SEMA5B: variants seen among roughly 807,000 people sequenced by gnomAD.
SEMA5B encodes semaphorin 5B.
A neutral mutation model predicts 135.0 loss-of-function variants in SEMA5B; 66 were observed. The observed-to-expected ratio is 0.49, with a 90% CI of 0.40 to 0.60. The LOEUF (loss-of-function observed/expected upper bound fraction) is 0.60, where lower values mean the gene tolerates loss of function less well. Among genes scored for constraint, SEMA5B ranks in the 20% least tolerant of loss-of-function variants. The pLI is 0.00. For missense variants in SEMA5B, 1,501 were observed against 1,566.3 expected (o/e 0.96, Z 0.70); for synonymous variants, 690 against 639.5 (o/e 1.08, Z -1.19).
At chr3:122,998,012 G>A (rs996352785) in intron 1 of SEMA5B, among the ~76,000 whole-genome samples, 1 of 152,134 alleles carries the variant, frequency 6.6e-6, no homozygotes, top group Non-Finnish European at 1.5e-5. Flanking sequence ...CCCGACGACC[G>A]CCATGGTGAG....
At chr3:122,929,933 G>A (rs149987441) in intron 5 of SEMA5B, among the ~76,000 whole-genome samples, 28 of 152,332 alleles carry the variant, frequency 1.8e-4, no homozygotes, top group Admixed American at 5.9e-4. Flanking sequence ...GCTGAAGGGA[G>A]GCGTGATGCC....
At chr3:122,955,404 G>A (rs760764976) in intron 2 of SEMA5B, among the ~76,000 whole-genome samples, 8 of 152,144 alleles carry the variant, frequency 5.3e-5, no homozygotes, top group Non-Finnish European at 5.9e-5. Flanking sequence ...TATTATTAGC[G>A]AATAATACAG....
chr3:122,915,847 T>G lies in SEMA5B; in HGVS notation c.1732A>C (p.Lys578Gln), dbSNP rs181104967. 6.2e-7 allele frequency: 1 copy of G among 1,613,908 alleles called. No individual in the cohort carries two copies. Among genetic ancestry groups the G allele is most frequent in the Non-Finnish European group, 8.5e-7 (1 of 1,179,960 alleles). The change falls in exon 13 of 23, where the codon AAG (lysine) becomes CAG (glutamine). Residue 578 changes from lysine (K) to glutamine (Q), a missense_variant. Transcript: ENST00000357599. ...ARDPYCGWDGKQQRCSTLEDS... is the reference protein window; with the variant it reads ...ARDPYCGWDGQQQRCSTLEDS... Reference sequence around the variant, plus strand: ...TCGAGTGTGCTGCAACGTTGCTGCTTCCCGTCCCAGCCACAGTACGGGTCC... The same window carrying G: ...TCGAGTGTGCTGCAACGTTGCTGCTGCCCGTCCCAGCCACAGTACGGGTCC...
rs1372192016 is a variant in SEMA5B, at chr3:122,912,929, C to A, written c.2639G>T (p.Cys880Phe). 3 of 1,612,958 alleles carry A rather than the reference C, an allele frequency of 1.9e-6. No homozygotes were observed. Among genetic ancestry groups the A allele is most frequent in the Admixed American group, 1.7e-5 (1 of 59,928 alleles). ...ELGFRVRKRTCTNPEPRNGGL... is the reference protein window; with the variant it reads ...ELGFRVRKRTFTNPEPRNGGL... The stretch of plus-strand genomic sequence containing the variant: ...CCCGTTGCGGGGCTCCGGGTTAGTG[C>A]ACGTTCTCTTGCGGACGCGGAAGCC... Residue 880 changes from cysteine (C) to phenylalanine (F), a missense_variant, in exon 18 of 23, where the codon TGC becomes TTC. Physicochemically the swap from Cys to Phe is radical, Grantham distance 205. Coordinates refer to ENST00000357599, the MANE Select transcript of SEMA5B (RefSeq NM_001031702.4).
chr3:122,929,152 G>A, intron 5 of SEMA5B, 94 bp from the exon 6 acceptor site: 1 of 1,251,094 alleles, frequency 8.0e-7, no homozygotes, highest in Non-Finnish European at 1.1e-6. Context: ...TGTCGGGAGT[G>A]GACATGAAGC....
At chr3:122,964,204 C>G (rs1477371728) in intron 1 of SEMA5B, among the ~76,000 whole-genome samples, 1 of 152,230 alleles carries the variant, frequency 6.6e-6, no homozygotes, top group African/African-American at 2.4e-5. Flanking sequence ...TTTCAACATT[C>G]TCAGGCTCTC....
In SEMA5B at chr3:122,967,907, C is replaced by T. The variant is rs79112242; in HGVS notation, c.-38-6606G>A. On this transcript the variant is annotated intron_variant, in intron 1 of 22. Transcript: ENST00000357599. ...AAGCTCTGCAGACTTCTCTTTTGGC[C>T]CAGGGCTCTGCCCTCTCACTCACTC... 1.8e-3 allele frequency among the ~76,000 whole-genome samples: 279 copies of T among 152,312 alleles called. 1 individual carries two copies. Among genetic ancestry groups the T allele is most frequent in the East Asian group, 0.013 (69 of 5,170 alleles).
intron 1 of SEMA5B, among the ~76,000 whole-genome samples, chr3:122,965,880 T>C (rs1166324610): frequency 6.6e-6 from 1 of 152,190 alleles, no homozygotes; most frequent in Non-Finnish European, 1.5e-5. Flanking sequence ...GAGTGGGCCA[T>C]GGCTACATGA....
chr3:122,969,800 A>T (rs1252394000), intron 1 of SEMA5B, among the ~76,000 whole-genome samples: 2 of 152,188 alleles, frequency 1.3e-5, no homozygotes, highest in African/African-American at 4.8e-5. Context: ...AGCGAGGCAG[A>T]TAATCTGAGG....
chr3:123,014,574 A>T (rs1942510538), intron 1 of SEMA5B, among the ~76,000 whole-genome samples: 1 of 152,216 alleles, frequency 6.6e-6, no homozygotes, highest in Admixed American at 6.5e-5. Flanking sequence ...CCTGCAGGGA[A>T]GTGTCCAGGG....
chr3:123,023,982 G>GTA (rs1942746852), intron 1 of SEMA5B, among the ~76,000 whole-genome samples: 1 of 152,204 alleles, frequency 6.6e-6, no homozygotes, highest in African/African-American at 2.4e-5. Flanking sequence ...TACTGCCAGG[G>GTA]TATAGGTGGT....
chr3:122,934,075 T>G (rs1203574193), intron 5 of SEMA5B, among the ~76,000 whole-genome samples: 2 of 106,128 alleles, frequency 1.9e-5, no homozygotes, highest in African/African-American at 5.8e-5. Context: ...ACCCGGCTAA[T>G]TTTGTACTTT....
intron 12 of SEMA5B, among the ~76,000 whole-genome samples, chr3:122,921,449 C>T (rs967059088): frequency 3.3e-5 from 5 of 152,196 alleles, no homozygotes; most frequent in African/African-American, 1.2e-4. Context: ...CCCTCTCTAC[C>T]TCTTCTAAGG....
chr3:122,927,822 C>T lies in SEMA5B; in HGVS notation c.818G>A (p.Arg273His), dbSNP rs773449749. ...YRSLGSGPPL[R>H]TAQYNSKWLN... ...CCACTTGGAGTTATATTGGGCAGTGCGAAGCGGTGGCCCACTGCCCAGGCT... is the reference window on the plus strand; with the variant it reads ...CCACTTGGAGTTATATTGGGCAGTGTGAAGCGGTGGCCCACTGCCCAGGCT... Residue 273 changes from arginine (R) to histidine (H), a missense_variant, in exon 8 of 23, where the codon CGC (arginine) becomes CAC (histidine). Physicochemically the swap from Arg to His is conservative, Grantham distance 29. Coordinates refer to ENST00000357599, the MANE Select transcript of SEMA5B (RefSeq NM_001031702.4). 16 of 1,542,212 alleles carry T rather than the reference C, an allele frequency of 1.0e-5. No individual in the cohort carries two copies. Among genetic ancestry groups the T allele is most frequent in the Non-Finnish European group, 1.4e-5 (16 of 1,142,268 alleles).
intron 5 of SEMA5B, among the ~76,000 whole-genome samples, chr3:122,932,242 G>GGTT (rs1358801187): frequency 1.8e-5 from 1 of 54,662 alleles, no homozygotes. Context: ...CTCTCAATAT[G>GGTT]ATTTTTTTTT....
chr3:123,012,177 C>T (rs190525750), intron 1 of SEMA5B, among the ~76,000 whole-genome samples: 1 of 152,302 alleles, frequency 6.6e-6, no homozygotes, highest in African/African-American at 2.4e-5. Flanking sequence ...CTCATCGCTC[C>T]TTCAGAGGCC....
At chr3:122,978,855 C>G (rs566203629) in intron 1 of SEMA5B, among the ~76,000 whole-genome samples, 4 of 152,262 alleles carry the variant, frequency 2.6e-5, no homozygotes, top group East Asian at 1.9e-4. Context: ...TTCCAGGCCC[C>G]TTTTACACCT....
chr3:123,016,767 G>A (rs1942568373), intron 1 of SEMA5B, among the ~76,000 whole-genome samples: 1 of 151,870 alleles, frequency 6.6e-6, no homozygotes, highest in African/African-American at 2.4e-5. Context: ...TTTTGTAGAG[G>A]TAGGGAGAGC....
At chr3:122,970,627 G>A (rs768995408) in intron 1 of SEMA5B, among the ~76,000 whole-genome samples, 1 of 152,212 alleles carries the variant, frequency 6.6e-6, no homozygotes, top group Non-Finnish European at 1.5e-5. Context: ...TCAGAAGAAA[G>A]GGTGAGACAC....
Sources: allele counts gnomAD v4.1 joint callset (sites outside exome capture counted in the v4.1 genomes callset), GRCh38; gene constraint gnomAD v4.1.1; transcripts MANE v1.5; gene names NCBI Gene and HGNC (gene_info 2026-07-23, HGNC 2026-07-21).